Variants in KIAA1549 observed in about 807,000 individuals in gnomAD.
The protein encoded by KIAA1549 is KIAA1549.
KIAA1549 carries 70 observed loss-of-function variants against 156.4 expected under a neutral mutation model. The observed-to-expected ratio is 0.45, with a 90% CI of 0.37 to 0.55. KIAA1549 has a LOEUF of 0.55. Ranked by LOEUF, KIAA1549 falls within the 20% of genes least tolerant of loss-of-function variation. The pLI, the probability that KIAA1549 is intolerant of heterozygous loss-of-function variation, is 0.00. For synonymous variants in KIAA1549, 1,103 were observed against 1,066.4 expected (o/e 1.03, Z -0.67); for missense variants, 2,428 against 2,540.9 (o/e 0.96, Z 0.96).
In KIAA1549 at chr7:138,832,190, C is replaced by CTTTTTTTTTTTTTTTTTTT. The variant is rs1563039449; in HGVS notation, c.*5715_*5716insAAAAAAAAAAAAAAAAAAA. 529 of 169,676 alleles carry CTTTTTTTTTTTTTTTTTTT rather than the reference C, an allele frequency of 3.1e-3. 27 individuals are homozygous for CTTTTTTTTTTTTTTTTTTT. Among genetic ancestry groups the CTTTTTTTTTTTTTTTTTTT allele is most frequent in the Middle Eastern group, 7.9e-3 (4 of 506 alleles). 10.5% of individuals were successfully genotyped at this position (169,676 alleles called of 1,614,324 possible). A position where few individuals can be genotyped will look rare whatever the true frequency, so the allele number is the denominator to read the frequency against. On this transcript the variant is annotated 3_prime_UTR_variant, in exon 20 of 20. Transcript: ENST00000422774. ...TTCACCTCTGTCCCTTTTACCTATT[C>CTTTTTTTTTTTTTTTTTTT]CTTTTTTTTTTTTTTTTTTTTCCAG... is the stretch of plus-strand genomic sequence containing the variant.
intron 12 of KIAA1549, among the ~76,000 whole-genome samples, chr7:138,874,356 G>A (rs2130391516): frequency 6.6e-6 from 1 of 152,106 alleles, no homozygotes. Context: ...ACAATATATT[G>A]TATACTTGAA....
In KIAA1549 at chr7:138,919,267, G is replaced by T. The variant is rs764738621; in HGVS notation, c.359C>A (p.Thr120Lys). ...TAPPSATTFD[T>K]AFFNQGKQTK... ...CTGTTTTCCTTGGTTAAAAAAGGCTGTATCAAAAGTAGTGGCAGACGGCGG... is the reference window on the plus strand; with the variant it reads ...CTGTTTTCCTTGGTTAAAAAAGGCTTTATCAAAAGTAGTGGCAGACGGCGG... The change falls in exon 2 of 20, where the codon ACA becomes AAA. Residue 120 changes from threonine (T) to lysine (K), a missense_variant. Transcript: ENST00000422774. The T allele has an allele frequency of 7.4e-6, 12 of 1,613,914 alleles. No individual in the cohort carries two copies. In the African/African-American group the frequency reaches 1.6e-4, roughly 22 times the overall value.
chr7:138,966,477 T>C (rs1379941005), intron 1 of KIAA1549, among the ~76,000 whole-genome samples: 2 of 151,986 alleles, frequency 1.3e-5, no homozygotes, highest in East Asian at 3.9e-4. Flanking sequence ...AACTACAAGC[T>C]GAGGAGTAAG....
intron 1 of KIAA1549, among the ~76,000 whole-genome samples, chr7:138,934,933 A>G (rs1230131093): frequency 6.6e-6 from 1 of 152,166 alleles, no homozygotes; most frequent in Non-Finnish European, 1.5e-5. Context: ...ATACAATCCC[A>G]TCCAGAGAGG....
intron 16 of KIAA1549, among the ~76,000 whole-genome samples, chr7:138,854,877 C>G (rs1810339427): frequency 6.6e-6 from 1 of 152,150 alleles, no homozygotes; most frequent in Non-Finnish European, 1.5e-5. Flanking sequence ...GAAATAACAA[C>G]ACGAACCTGC....
At chr7:138,854,543 CT>C (rs1030245220) in intron 16 of KIAA1549, among the ~76,000 whole-genome samples, 4 of 151,282 alleles carry the variant, frequency 2.6e-5, no homozygotes, top group African/African-American at 4.8e-5. Flanking sequence ...TGTGGTTTTT[CT>C]TTTTTTTTAA....
In KIAA1549 at chr7:138,918,019, G is replaced by A. The variant is rs374267785; in HGVS notation, c.1607C>T (p.Pro536Leu). ...GRLSVPASLDPTAGSLSVAET... is the reference protein window; with the variant it reads ...GRLSVPASLDLTAGSLSVAET... ...AGCAACAGACAAGGAGCCAGCAGTA[G>A]GATCAAGTGACGCCGGCACAGAGAG... is the stretch of plus-strand genomic sequence containing the variant. Residue 536 changes from proline (P) to leucine (L), a missense_variant, in exon 2 of 20, where the codon CCT becomes CTT. Coordinates refer to ENST00000422774, the MANE Select transcript of KIAA1549 (RefSeq NM_001164665.2). The surrounding 1 kb of genome is among the most constrained non-coding windows in gnomAD (Gnocchi z 4.2). The A allele has an allele frequency of 5.0e-6, 8 of 1,606,336 alleles. No individual in the cohort carries two copies. In the African/African-American group the frequency reaches 9.4e-5, roughly 19 times the overall value.
At chr7:138,897,503 T>G (rs1811715326) in intron 9 of KIAA1549, among the ~76,000 whole-genome samples, 1 of 152,238 alleles carries the variant, frequency 6.6e-6, no homozygotes, top group Non-Finnish European at 1.5e-5. Context: ...TATTCTCTGA[T>G]GCTGAATTCC....
chr7:138,877,977 A>C (rs1256941227), intron 12 of KIAA1549, among the ~76,000 whole-genome samples: 2 of 152,328 alleles, frequency 1.3e-5, no homozygotes, highest in Non-Finnish European at 2.9e-5. Context: ...ACTTGGAAAA[A>C]TCCAGAGCTC....
At chr7:138,973,601 G>A (rs1033646327) in intron 1 of KIAA1549, among the ~76,000 whole-genome samples, 1 of 152,070 alleles carries the variant, frequency 6.6e-6, no homozygotes, top group African/African-American at 2.4e-5. Context: ...CCCCTCACTA[G>A]TGTCTTCCAT....
At chr7:138,909,966 G>GAAAAC (rs1422161674) in intron 4 of KIAA1549, among the ~76,000 whole-genome samples, 2 of 152,058 alleles carry the variant, frequency 1.3e-5, no homozygotes, top group African/African-American at 4.8e-5. Context: ...GAAAAGAAAA[G>GAAAAC]AAATCACTGT....
chr7:138,919,220 TGGG>T lies in KIAA1549; in HGVS notation c.403_405del (p.Pro135del), dbSNP rs1340033957. ...GACACGTAAGTTGCCACAAAGATGC[TGGG>T]ATCTGCTGTACTTTTGGTCTGTTTT... On this transcript the variant is annotated inframe_deletion, in exon 2 of 20. Transcript: ENST00000422774. The T allele has an allele frequency of 2.5e-6, 4 of 1,613,894 alleles. No individual in the cohort carries two copies. In the African/African-American group the frequency reaches 5.3e-5, roughly 22 times the overall value.
intron 15 of KIAA1549, among the ~76,000 whole-genome samples, chr7:138,866,211 G>T (rs1810735596): frequency 6.6e-6 from 1 of 152,182 alleles, no homozygotes; most frequent in Non-Finnish European, 1.5e-5. Context: ...CCCATGAGTA[G>T]ATCAAGAAGG....
chr7:138,865,667 C>T (rs766210360), intron 15 of KIAA1549, among the ~76,000 whole-genome samples: 1 of 152,128 alleles, frequency 6.6e-6, no homozygotes, highest in South Asian at 2.1e-4. Context: ...GGCTGCTCTG[C>T]ACCCACAGGA....
chr7:138,879,531 C>T lies in KIAA1549; in HGVS notation c.4345+7G>A, dbSNP rs371434340. The T allele has an allele frequency of 5.6e-5, 86 of 1,541,724 alleles. No individual in the cohort carries two copies. The highest frequency in any genetic ancestry group is 5.9e-5 in the Non-Finnish European group (67 of 1,137,720). The stretch of plus-strand genomic sequence containing the variant: ...TTTTAATGGGAAGAACCAGAAGAGT[C>T]ACAGACCGCTCTGCGGAGCTCTGTG... On this transcript the variant is annotated splice_region_variant and intron_variant, in intron 12 of 19. Coordinates refer to ENST00000422774, the MANE Select transcript of KIAA1549 (RefSeq NM_001164665.2).
Position 138,967,054 on chromosome 7 carries a change from T to C in KIAA1549, c.187+14029A>G, listed in dbSNP as rs111667445. 3.7e-3 allele frequency among the ~76,000 whole-genome samples: 570 copies of C among 152,288 alleles called. 5 individuals are homozygous for C. The highest frequency in any genetic ancestry group is 0.013 in the African/African-American group (537 of 41,544). Reference sequence around the variant, plus strand: ...AGTCCAAGCTGTTTATCTGCTGCATTTACACATGACACCTACCGCGGAGTA... The same window carrying C: ...AGTCCAAGCTGTTTATCTGCTGCATCTACACATGACACCTACCGCGGAGTA... On this transcript the variant is annotated intron_variant, in intron 1 of 19. Transcript: ENST00000422774.
rs375118283 is a variant in KIAA1549 at position 138,917,431 on chromosome 7, G to A, written c.2195C>T (p.Ala732Val). The A allele has an allele frequency of 5.6e-5, 90 of 1,613,934 alleles. No individual in the cohort carries two copies. In the African/African-American group the frequency reaches 8.5e-4, roughly 15 times the overall value. The change falls in exon 2 of 20, where the codon GCG becomes GTG. Residue 732 changes from alanine to valine, a missense_variant. By Grantham distance (64) the Ala-to-Val change is moderately conservative. Coordinates refer to ENST00000422774, the MANE Select transcript of KIAA1549 (RefSeq NM_001164665.2). ...FPSDSLEFVE[A>V]STVSLTDSEA... ...TGAATCCGTCAGTGAAACCGTAGAC[G>A]CTTCAACAAACTCGAGAGAATCAGA... is the stretch of plus-strand genomic sequence containing the variant.
intron 17 of KIAA1549, among the ~76,000 whole-genome samples, chr7:138,845,323 C>T (rs1810043492): frequency 6.6e-6 from 1 of 152,114 alleles, no homozygotes; most frequent in Non-Finnish European, 1.5e-5. Flanking sequence ...ATAGAGTTTG[C>T]ATCCTGTCAG....
At position 138,917,370 on chromosome 7, in the gene KIAA1549, G is replaced by C. The variant is rs761825493; in HGVS notation, c.2256C>G (p.Thr752=). Reference sequence around the variant, plus strand: ...AAATGAGTGAAGACTCAAGATAGGAGGTAGTTTCAATGAAAGCTGAGGTAA... The same window carrying C: ...AAATGAGTGAAGACTCAAGATAGGACGTAGTTTCAATGAAAGCTGAGGTAA... ...AHFTSAFIET[T]SYLESSLISH... Residue 752 remains threonine (T), a synonymous_variant, in exon 2 of 20, where the codon ACC becomes ACG. Transcript: ENST00000422774. 1 of 1,613,942 alleles carries C rather than the reference G, an allele frequency of 6.2e-7. No individual in the cohort carries two copies. Among genetic ancestry groups the C allele is most frequent in the South Asian group, 1.1e-5 (1 of 91,074 alleles).
Sources: allele counts gnomAD v4.1 joint callset (sites outside exome capture counted in the v4.1 genomes callset), GRCh38; gene constraint gnomAD v4.1.1; non-coding constraint Gnocchi (gnomAD v3.1); transcripts MANE v1.5; gene names NCBI Gene and HGNC (gene_info 2026-07-23, HGNC 2026-07-21).